Variants in FADS2 observed in about 807,000 individuals in gnomAD.
FADS2 encodes fatty acid desaturase 2.
A neutral mutation model predicts 61.2 loss-of-function variants in FADS2; 18 were observed. The observed-to-expected ratio is 0.29, with a 90% CI of 0.20 to 0.44. FADS2 has a LOEUF of 0.44. Ranked by LOEUF, FADS2 falls within the 20% of genes least tolerant of loss-of-function variation. The pLI, the probability that FADS2 is intolerant of heterozygous loss-of-function variation, is 1.00. For missense variants in FADS2, 322 were observed against 572.7 expected, an observed-to-expected ratio of 0.56 and a Z score of 4.47; for synonymous variants, 203 against 223.9, an observed-to-expected ratio of 0.91 and a Z score of 0.83.
In FADS2 at chr11:61,851,476, C is replaced by T. The variant is rs1008843193; in HGVS notation, c.744+3192C>T. Among the ~76,000 whole-genome samples the T allele has an allele frequency of 3.3e-5, 5 of 152,224 alleles. No homozygotes were observed. The East Asian group carries it at 7.7e-4, about 23-fold the overall frequency. On this transcript the variant is annotated intron_variant, in intron 5 of 11. Coordinates refer to ENST00000278840, the MANE Select transcript of FADS2 (RefSeq NM_004265.4). ...TGCCGCGGTGTTCTGTGGAAATCCC[C>T]GCTCTCACACTCATGGGGAAAGGAT...
upstream of FADS2, chr11:61,827,901 C>A (rs1167044660): frequency 2.4e-6 from 1 of 413,786 alleles, no homozygotes; most frequent in African/African-American, 2.2e-5. The surrounding 1 kb of genome is among the most constrained non-coding windows in gnomAD (Gnocchi z 4.5). Context: ...AGCCGGGGAC[C>A]CGCCGCTCCA....
In FADS2 at chr11:61,816,982, G is replaced by A. The variant is rs1020055926; in HGVS notation, c.141+556G>A. ...AGATCCCGTCCCCCGGTGGGTCTTGGGCAACTCACAGCTGGGCTGCCAACA... is the reference window on the plus strand; with the variant it reads ...AGATCCCGTCCCCCGGTGGGTCTTGAGCAACTCACAGCTGGGCTGCCAACA... On this transcript the variant is annotated intron_variant, in intron 1 of 11. Transcript: ENST00000257261. The surrounding 1 kb of genome is among the most constrained non-coding windows in gnomAD (Gnocchi z 7.0). 3 of 1,351,404 alleles carry A rather than the reference G, an allele frequency of 2.2e-6. No homozygotes were observed. The highest frequency in any genetic ancestry group is 1.8e-5 in the South Asian group (1 of 55,060). The allele number at this position is 1,351,404 out of a possible 1,614,324, so 83.7% of individuals were successfully genotyped here.
chr11:61,864,011 T>A (rs1381713657), intron 10 of FADS2: 1 of 520,590 alleles, frequency 1.9e-6, no homozygotes, highest in Non-Finnish European at 3.5e-6. Flanking sequence ...CTGTGCCACT[T>A]GGTCATAGTG....
intron 1 of FADS2, among the ~76,000 whole-genome samples, chr11:61,818,177 G>C (rs1363425285): frequency 6.6e-6 from 1 of 152,182 alleles, no homozygotes; most frequent in Non-Finnish European, 1.5e-5. Context: ...GTGAAATATG[G>C]CTAGATTTCT....
rs2067456986 is a variant in FADS2, at chr11:61,865,192, G to A, written c.1198G>A (p.Ala400Thr). ...TMPRHNLHKI[A>T]PLVKSLCAKH... is the part of the protein sequence containing the mutation. Reference sequence around the variant, plus strand: ...GCCCCGGCACAACTTACACAAGATCGCCCCGCTGGTGAAGTCTCTATGTGC... The same window carrying A: ...GCCCCGGCACAACTTACACAAGATCACCCCGCTGGTGAAGTCTCTATGTGC... The change falls in exon 11 of 12, where the codon GCC (alanine) becomes ACC (threonine). Residue 400 changes from alanine to threonine, a missense_variant. Ala to Thr is a moderately conservative substitution (Grantham distance 58). Transcript: ENST00000278840. The surrounding 1 kb of genome is among the most constrained non-coding windows in gnomAD (Gnocchi z 4.1). 6.2e-7 allele frequency: 1 copy of A among 1,613,780 alleles called. No homozygotes were observed. The highest frequency in any genetic ancestry group is 1.1e-5 in the South Asian group (1 of 91,070).
chr11:61,861,371 A>AAAAAAAAAAAAAAAAAGAAAAAAC (rs1555078396), intron 7 of FADS2, among the ~76,000 whole-genome samples: 1 of 106,458 alleles, frequency 9.4e-6, no homozygotes, highest in Non-Finnish European at 2.2e-5. Context: ...AAAAAAAAAA[A>AAAAAAAAAAAAAAAAAGAAAAAAC]CAGAAATTAG....
chr11:61,850,851 T>G (rs1029368448), intron 5 of FADS2, among the ~76,000 whole-genome samples: 9 of 152,116 alleles, frequency 5.9e-5, no homozygotes, highest in African/African-American at 2.2e-4. Flanking sequence ...GAAGTAGTAT[T>G]CCCGACAGCC....
chr11:61,840,278 T>C, intron 2 of FADS2, 56 bp from the exon 3 acceptor site: 2 of 1,422,158 alleles, frequency 1.4e-6, no homozygotes, highest in Non-Finnish European at 2.0e-6. Flanking sequence ...TCGAGACATA[T>C]GTTCCCTCCA....
intron 2 of FADS2, among the ~76,000 whole-genome samples, chr11:61,839,093 C>T (rs1435343305): frequency 2.0e-5 from 3 of 152,082 alleles, no homozygotes; most frequent in Non-Finnish European, 2.9e-5. Flanking sequence ...TCCCAAGTTC[C>T]TTCTTCCTCG....
At chr11:61,853,290 C>CCCTCCCTCCCTTCCTCCCTT (rs1487391139) in intron 5 of FADS2, among the ~76,000 whole-genome samples, 2 of 81,692 alleles carry the variant, frequency 2.4e-5, no homozygotes, top group African/African-American at 1.2e-4. Context: ...CTCCCTCCCT[C>CCCTCCCTCCCTTCCTCCCTT]CCTTCCTTCC....
At chr11:61,863,197 G>A (rs2135981009) in intron 8 of FADS2, 85 bp from the exon 9 acceptor site, 2 of 1,440,724 alleles carry the variant, frequency 1.4e-6, no homozygotes, top group South Asian at 1.1e-5. Context: ...GGCAGGGGCT[G>A]TCCTGGGCTG....
intron 1 of FADS2, among the ~76,000 whole-genome samples, chr11:61,837,074 C>T (rs2067180238): frequency 6.6e-6 from 1 of 152,140 alleles, no homozygotes; most frequent in South Asian, 2.1e-4. Context: ...CCTTTTCTAA[C>T]TTGGCCAAAA....
At chr11:61,863,416 A>T in intron 9 of FADS2, 38 bp downstream of exon 9, 1 of 1,447,854 alleles carries the variant, frequency 6.9e-7, no homozygotes, top group East Asian at 2.3e-5. Context: ...GCCTGGTCCC[A>T]ATGTCCATGT....
upstream of FADS2, among the ~76,000 whole-genome samples, chr11:61,825,183 C>T (rs188962613): frequency 2.0e-4 from 30 of 152,310 alleles, no homozygotes; most frequent in Admixed American, 2.0e-3. Flanking sequence ...ACTCTGTTCC[C>T]TCATCTTGGT....
chr11:61,816,940 T>G lies in FADS2; in HGVS notation c.141+514T>G. The G allele has an allele frequency of 7.3e-7, 1 of 1,378,968 alleles. No individual in the cohort carries two copies. Among genetic ancestry groups the G allele is most frequent in the Non-Finnish European group, 9.3e-7 (1 of 1,075,182 alleles). The allele number at this position is 1,378,968 out of a possible 1,614,324, so 85.4% of individuals were successfully genotyped here. ...AGCGCGCGTTCCCATTGGCCGAGCC[T>G]CGTGGCGCGGGGAGCGAGATCCCGT... On this transcript the variant is annotated intron_variant, in intron 1 of 11. Transcript: ENST00000257261. The surrounding 1 kb of genome is among the most constrained non-coding windows in gnomAD (Gnocchi z 7.0).
chr11:61,852,366 T>A (rs1426082074), intron 5 of FADS2, among the ~76,000 whole-genome samples: 1 of 152,198 alleles, frequency 6.6e-6, no homozygotes, highest in Admixed American at 6.5e-5. Context: ...GCTCAAGCCA[T>A]CGTTCTGCCT....
At chr11:61,855,620 C>T (rs2067350194) in intron 5 of FADS2, 1 of 152,262 alleles carries the variant, frequency 6.6e-6, no homozygotes, top group African/African-American at 2.4e-5. Flanking sequence ...TCTGGGGGTT[C>T]TTCAGCTGGT....
chr11:61,819,313 C>T (rs1365015545), intron 1 of FADS2, among the ~76,000 whole-genome samples: 2 of 152,226 alleles, frequency 1.3e-5, no homozygotes, highest in African/African-American at 2.4e-5. Flanking sequence ...GGGTGCCTCA[C>T]GCCTATAATC....
At position 61,866,251 on chromosome 11, in the gene FADS2, C is replaced by G. The variant is rs963322635; in HGVS notation, c.*562C>G. 1.4e-5 allele frequency: 5 copies of G among 368,260 alleles called. No homozygotes were observed. Among genetic ancestry groups the G allele is most frequent in the Non-Finnish European group, 2.4e-5 (5 of 207,360 alleles). The allele number at this position is 368,260 out of a possible 1,614,324, so 22.8% of individuals were successfully genotyped here. A position where few individuals can be genotyped will look rare whatever the true frequency, so the allele number is the denominator to read the frequency against. ...AAGCTCGGGTCTCCCTCCTGCAGCTCGGTTAAGTACCCGAGGCCTCTCTTA... is the reference window on the plus strand; with the variant it reads ...AAGCTCGGGTCTCCCTCCTGCAGCTGGGTTAAGTACCCGAGGCCTCTCTTA... On this transcript the variant is annotated 3_prime_UTR_variant, in exon 12 of 12. Transcript: ENST00000278840.
Sources: allele counts gnomAD v4.1 joint callset (sites outside exome capture counted in the v4.1 genomes callset), GRCh38; gene constraint gnomAD v4.1.1; non-coding constraint Gnocchi (gnomAD v3.1); transcripts MANE v1.5; gene names NCBI Gene and HGNC (gene_info 2026-07-23, HGNC 2026-07-21).